The following OR2G6 variants were observed in gnomAD, a reference collection of about 807,000 sequenced individuals.
OR2G6 encodes the protein olfactory receptor family 2 subfamily G member 6.
For missense variants in OR2G6, 457 were observed against 391.3 expected (o/e 1.17, Z -1.42); for synonymous variants, 183 against 155.2 (o/e 1.18, Z -1.33).
chr1:248,520,616 T>C, intron 1 of OR2G6, among the ~76,000 whole-genome samples: 1 of 152,096 alleles, frequency 6.6e-6, no homozygotes, highest in Non-Finnish European at 1.5e-5. Flanking sequence ...CTCATGCCTG[T>C]AACCCCAGCA....
intron 1 of OR2G6, 78 bp from the exon 2 acceptor site, chr1:248,521,533 A>C (rs1269833844): frequency 4.1e-6 from 3 of 734,928 alleles, no homozygotes; most frequent in Admixed American, 2.5e-5. Flanking sequence ...TATATAAGGA[A>C]GATAATTATA....
rs1664295127 is a variant in OR2G6 at position 248,521,890 on chromosome 1, C to T, written c.244C>T (p.Leu82=). 1 of 1,614,160 alleles carries T rather than the reference C, an allele frequency of 6.2e-7. No individual in the cohort carries two copies. Among genetic ancestry groups the T allele is most frequent in the Non-Finnish European group, 8.5e-7 (1 of 1,180,028 alleles). The change falls in exon 2 of 2, where the codon CTG becomes TTG. Residue 82 remains leucine, a synonymous_variant. Transcript: ENST00000641804. Reference sequence around the variant, plus strand: ...TACCACCAGTGTTGCCCCACAGTTGCTGGTTACCATGAATAAGAAAGACAA... The same window carrying T: ...TACCACCAGTGTTGCCCCACAGTTGTTGGTTACCATGAATAAGAAAGACAA... ...CFTTSVAPQL[L]VTMNKKDKTM...
In OR2G6 at chr1:248,522,542, G is replaced by T; in HGVS notation, c.896G>T (p.Gly299Val). Reference protein sequence around the residue: ...IYTLRNKDVKGALRTLILGSA... With the variant: ...IYTLRNKDVKVALRTLILGSA... ...ACTCTGAGAAACAAAGATGTGAAAG[G>T]GGCCTTGAGGACCCTGATACTGGGT... Residue 299 changes from glycine (G) to valine (V), a missense_variant, in exon 2 of 2, where the codon GGG becomes GTG. Coordinates refer to ENST00000641804, the MANE Select transcript of OR2G6 (RefSeq NM_001013355.2). The T allele has an allele frequency of 1.2e-6, 2 of 1,613,964 alleles. No homozygotes were observed. The highest frequency in any genetic ancestry group is 1.7e-6 in the Non-Finnish European group (2 of 1,179,980).
chr1:248,520,279 T>G (rs1165621371), intron 1 of OR2G6, among the ~76,000 whole-genome samples: 2 of 151,702 alleles, frequency 1.3e-5, no homozygotes, highest in African/African-American at 4.8e-5. Flanking sequence ...TGTTGGTGGG[T>G]TGGGGGGCTA....
chr1:248,522,505 C>G lies in OR2G6; in HGVS notation c.859C>G (p.Pro287Ala), dbSNP rs771521440. 2.5e-6 allele frequency: 4 copies of G among 1,613,484 alleles called. No homozygotes were observed. The highest frequency in any genetic ancestry group is 1.3e-5 in the African/African-American group (1 of 74,696). The change falls in exon 2 of 2, where the codon CCC (proline) becomes GCC (alanine). Residue 287 changes from proline (P) to alanine (A), a missense_variant. By Grantham distance (27) the Pro-to-Ala change is conservative (BLOSUM62 -1). Coordinates refer to ENST00000641804, the MANE Select transcript of OR2G6 (RefSeq NM_001013355.2). ...FYTIVTPLLNPIIYTLRNKDV... is the reference protein window; with the variant it reads ...FYTIVTPLLNAIIYTLRNKDV... ...TACCATAGTCACCCCACTTTTAAAC[C>G]CCATTATCTACACTCTGAGAAACAA...
Position 248,526,621 on chromosome 1 carries a change from T to G in OR2G6, c.*4024T>G, listed in dbSNP as rs1659118295. 1 of 152,132 alleles carries G rather than the reference T, an allele frequency of 6.6e-6. No homozygotes were observed. The highest frequency in any genetic ancestry group is 1.5e-5 in the Non-Finnish European group (1 of 68,014). The allele number at this position is 152,132 out of a possible 1,614,324, so 9.4% of individuals were successfully genotyped here. A position where few individuals can be genotyped will look rare whatever the true frequency, so the allele number is the denominator to read the frequency against. On this transcript the variant is annotated 3_prime_UTR_variant, in exon 2 of 2. Coordinates refer to ENST00000641804, the MANE Select transcript of OR2G6 (RefSeq NM_001013355.2). ...GGCAGAGAGAGGAGAAAATAAACAT[T>G]TGAAATATGCCCAGAGCTCTCTGTT...
chr1:248,521,724 TCTTTTTGC>T lies in OR2G6; in HGVS notation c.80_87del (p.Leu27HisfsTer58). 1 of 1,614,182 alleles carries T rather than the reference TCTTTTTGC, an allele frequency of 6.2e-7. No homozygotes were observed. The highest frequency in any genetic ancestry group is 8.5e-7 in the Non-Finnish European group (1 of 1,180,012). ...CAGATCAGCCTCAGCTAGAGAGGTT[TCTTTTTGC>T]CATCATTTTGTACTTCTACGTCTTG... On this transcript the variant is annotated frameshift_variant, in exon 2 of 2. Coordinates refer to ENST00000641804, the MANE Select transcript of OR2G6 (RefSeq NM_001013355.2). LOFTEE classifies it low-confidence loss of function (END_TRUNC).
Position 248,525,483 on chromosome 1 carries a change from A to C in OR2G6, c.*2886A>C, listed in dbSNP as rs1485736790. On this transcript the variant is annotated 3_prime_UTR_variant, in exon 2 of 2. Transcript: ENST00000641804. The stretch of plus-strand genomic sequence containing the variant: ...AGAAAAAATAAAATGATTTTACATA[A>C]CAAATATTAATGAATTCATGAAAAA... 1 of 151,754 alleles carries C rather than the reference A, an allele frequency of 6.6e-6. No homozygotes were observed. The highest frequency in any genetic ancestry group is 6.6e-5 in the Admixed American group (1 of 15,256). The allele number at this position is 151,754 out of a possible 1,614,324, so 9.4% of individuals were successfully genotyped here. A position where few individuals can be genotyped will look rare whatever the true frequency, so the allele number is the denominator to read the frequency against.
At position 248,526,502 on chromosome 1, in the gene OR2G6, T is replaced by C. The variant is rs2103065163; in HGVS notation, c.*3905T>C. 6.6e-6 allele frequency: 1 copy of C among 152,282 alleles called. No homozygotes were observed. Among genetic ancestry groups the C allele is most frequent in the South Asian group, 2.1e-4 (1 of 4,828 alleles). 9.4% of individuals were successfully genotyped at this position (152,282 alleles called of 1,614,324 possible). A position where few individuals can be genotyped will look rare whatever the true frequency, so the allele number is the denominator to read the frequency against. On this transcript the variant is annotated 3_prime_UTR_variant, in exon 2 of 2. Coordinates refer to ENST00000641804, the MANE Select transcript of OR2G6 (RefSeq NM_001013355.2). ...AAATAAAAAAAATGTTGAGCCCCAGTCTTAGGAAATCCTCCCTATACTCAT... is the reference window on the plus strand; with the variant it reads ...AAATAAAAAAAATGTTGAGCCCCAGCCTTAGGAAATCCTCCCTATACTCAT...
In OR2G6 at chr1:248,521,797, C is replaced by G; in HGVS notation, c.151C>G (p.Leu51Val). The change falls in exon 2 of 2, where the codon CTG (leucine) becomes GTG (valine). Residue 51 changes from leucine to valine, a missense_variant. Coordinates refer to ENST00000641804, the MANE Select transcript of OR2G6 (RefSeq NM_001013355.2). ...CACTGCCCTCATACTAGTATGTTGTCTGGACTCCAGACTCCACACTCCAAT... is the reference window on the plus strand; with the variant it reads ...CACTGCCCTCATACTAGTATGTTGTGTGGACTCCAGACTCCACACTCCAAT... Reference protein sequence around the residue: ...GNTALILVCCLDSRLHTPMYF... With the variant: ...GNTALILVCCVDSRLHTPMYF... 1 of 1,614,130 alleles carries G rather than the reference C, an allele frequency of 6.2e-7. No homozygotes were observed. Among genetic ancestry groups the G allele is most frequent in the South Asian group, 1.1e-5 (1 of 91,080 alleles).
Position 248,521,749 on chromosome 1 carries a change from T to A in OR2G6, c.103T>A (p.Tyr35Asn), listed in dbSNP as rs1439606059. ...RFLFAIILYF[Y>N]VLSLLGNTAL... ...TCTTTTTGCCATCATTTTGTACTTC[T>A]ACGTCTTGAGCCTTCTGGGGAACAC... Residue 35 changes from tyrosine to asparagine, a missense_variant, in exon 2 of 2, where the codon TAC becomes AAC. Tyr to Asn is a moderately radical substitution (Grantham distance 143, BLOSUM62 -2). Coordinates refer to ENST00000641804, the MANE Select transcript of OR2G6 (RefSeq NM_001013355.2). The A allele has an allele frequency of 6.2e-7, 1 of 1,614,064 alleles. No homozygotes were observed. Among genetic ancestry groups the A allele is most frequent in the Non-Finnish European group, 8.5e-7 (1 of 1,180,006 alleles).
At position 248,522,379 on chromosome 1, in the gene OR2G6, C is replaced by G. The variant is rs1664309725; in HGVS notation, c.733C>G (p.Leu245Val). Residue 245 changes from leucine (L) to valine (V), a missense_variant, in exon 2 of 2, where the codon CTG becomes GTG. Transcript: ENST00000641804. ...GGCCTTTGGGACCTGTTCGTCTCAC[C>G]TGGTTGTGGTCATCATTTTCTATGG... is the stretch of plus-strand genomic sequence containing the variant. Reference protein sequence around the residue: ...QKAFGTCSSHLVVVIIFYGTI... With the variant: ...QKAFGTCSSHVVVVIIFYGTI... The G allele has an allele frequency of 5.0e-6, 8 of 1,614,072 alleles. No individual in the cohort carries two copies. Among genetic ancestry groups the G allele is most frequent in the Non-Finnish European group, 5.9e-6 (7 of 1,180,042 alleles).
rs912499870 is a variant in OR2G6 at position 248,525,793 on chromosome 1, A to T, written c.*3196A>T. On this transcript the variant is annotated 3_prime_UTR_variant, in exon 2 of 2. Transcript: ENST00000641804. Reference sequence around the variant, plus strand: ...CACTTTGGGAGGCTGAGTCAGGTGGATCATGAGGTCAGGAGTTCAAGCTCA... The same window carrying T: ...CACTTTGGGAGGCTGAGTCAGGTGGTTCATGAGGTCAGGAGTTCAAGCTCA... 1 of 152,160 alleles carries T rather than the reference A, an allele frequency of 6.6e-6. No homozygotes were observed. The highest frequency in any genetic ancestry group is 2.1e-4 in the South Asian group (1 of 4,826). 9.4% of individuals were successfully genotyped at this position (152,160 alleles called of 1,614,324 possible).
Position 248,522,148 on chromosome 1 carries a change from C to T in OR2G6, c.502C>T (p.Leu168Phe), listed in dbSNP as rs757587119. The change falls in exon 2 of 2, where the codon CTC becomes TTC. Residue 168 changes from leucine to phenylalanine, a missense_variant. Transcript: ENST00000641804. ...IQCSLTVQLP[L>F]CGHRTLDHIF... ...GTGCTCCCTCACTGTGCAGCTGCCC[C>T]TCTGTGGTCATCGCACACTGGATCA... is the stretch of plus-strand genomic sequence containing the variant. 1.2e-6 allele frequency: 2 copies of T among 1,614,036 alleles called. No individual in the cohort carries two copies. The highest frequency in any genetic ancestry group is 1.7e-5 in the Admixed American group (1 of 59,994).
chr1:248,522,320 T>G lies in OR2G6; in HGVS notation c.674T>G (p.Val225Gly), dbSNP rs1377926850. ...LVSYGFITQA[V>G]LRIKSAAGRQ... is the part of the protein sequence containing the mutation. ...TCCTATGGCTTTATCACTCAAGCTG[T>G]GTTAAGGATAAAATCAGCTGCGGGC... Residue 225 changes from valine (V) to glycine (G), a missense_variant, in exon 2 of 2, where the codon GTG becomes GGG. Transcript: ENST00000641804. 6.2e-7 allele frequency: 1 copy of G among 1,614,190 alleles called. No individual in the cohort carries two copies. Among genetic ancestry groups the G allele is most frequent in the East Asian group, 2.2e-5 (1 of 44,886 alleles).
chr1:248,526,282 A>C lies in OR2G6; in HGVS notation c.*3685A>C, dbSNP rs573756949. The stretch of plus-strand genomic sequence containing the variant: ...CAGACACATGGGCCAATAGAACAGA[A>C]TGGAGAACCTAGAAATAGATTCATG... On this transcript the variant is annotated 3_prime_UTR_variant, in exon 2 of 2. Coordinates refer to ENST00000641804, the MANE Select transcript of OR2G6 (RefSeq NM_001013355.2). The C allele has an allele frequency of 6.6e-6, 1 of 152,300 alleles. No homozygotes were observed. Among genetic ancestry groups the C allele is most frequent in the South Asian group, 2.1e-4 (1 of 4,818 alleles). The allele number at this position is 152,300 out of a possible 1,614,324, so 9.4% of individuals were successfully genotyped here. A position where few individuals can be genotyped will look rare whatever the true frequency, so the allele number is the denominator to read the frequency against.
In OR2G6 at chr1:248,525,417, C is replaced by T. The variant is rs1470867507; in HGVS notation, c.*2820C>T. 6.6e-6 allele frequency: 1 copy of T among 151,894 alleles called. No individual in the cohort carries two copies. The highest frequency in any genetic ancestry group is 1.5e-5 in the Non-Finnish European group (1 of 68,000). 9.4% of individuals were successfully genotyped at this position (151,894 alleles called of 1,614,324 possible). A position where few individuals can be genotyped will look rare whatever the true frequency, so the allele number is the denominator to read the frequency against. ...ATGCTGTAATAAGTATATGGTTCCA[C>T]CACTCCAAACACCATGAATTTTTTT... On this transcript the variant is annotated 3_prime_UTR_variant, in exon 2 of 2. Transcript: ENST00000641804.
chr1:248,521,521 GAT>G, intron 1 of OR2G6, 88 bp from the exon 2 acceptor site: 1 of 675,792 alleles, frequency 1.5e-6, no homozygotes, highest in South Asian at 1.9e-5. Context: ...TGTTTTAGGT[GAT>G]ATATAAGGAA....
In OR2G6 at chr1:248,521,799, G is replaced by GGACTCCA. The variant is rs1664291791; in HGVS notation, c.161_167dup (p.His56GlnfsTer34). The GGACTCCA allele has an allele frequency of 6.2e-7, 1 of 1,614,074 alleles. No individual in the cohort carries two copies. Among genetic ancestry groups the GGACTCCA allele is most frequent in the African/African-American group, 1.3e-5 (1 of 75,018 alleles). ...CTGCCCTCATACTAGTATGTTGTCT[G>GGACTCCA]GACTCCAGACTCCACACTCCAATGT... On this transcript the variant is annotated frameshift_variant, in exon 2 of 2. Coordinates refer to ENST00000641804, the MANE Select transcript of OR2G6 (RefSeq NM_001013355.2). LOFTEE classifies it low-confidence loss of function (END_TRUNC).
Sources: allele counts gnomAD v4.1 joint callset (sites outside exome capture counted in the v4.1 genomes callset), GRCh38; gene constraint gnomAD v4.1.1; transcripts MANE v1.5; gene names NCBI Gene and HGNC (gene_info 2026-07-23, HGNC 2026-07-21).